Variants in CAMTA2 observed in about 807,000 individuals in gnomAD.
CAMTA2 encodes calmodulin-binding transcription activator 2.
CAMTA2 carries 56 observed loss-of-function variants against 135.7 expected under a neutral mutation model. The observed-to-expected ratio is 0.41, with a 90% CI of 0.33 to 0.52. The LOEUF is 0.52. Ranked by LOEUF, CAMTA2 falls within the 20% of genes least tolerant of loss-of-function variation. CAMTA2 has a pLI of 0.16. For synonymous variants in CAMTA2, 591 were observed against 604.6 expected (o/e 0.98, Z 0.33); for missense variants, 1,358 against 1,553.4 (o/e 0.87, Z 2.11).
At chr17:4,982,950 T>A in intron 4 of CAMTA2, 26 bp downstream of exon 4, 1 of 1,614,006 alleles carries the variant, frequency 6.2e-7, no homozygotes, top group Non-Finnish European at 8.5e-7. Context: ...CCCCTGCCAC[T>A]CCCCCATGTT....
In CAMTA2 at chr17:4,986,235, A is replaced by G. The variant is rs1973276021; in HGVS notation, c.-13T>C. 1 of 1,604,850 alleles carries G rather than the reference A, an allele frequency of 6.2e-7. No homozygotes were observed. Among genetic ancestry groups the G allele is most frequent in the Non-Finnish European group, 8.5e-7 (1 of 1,173,306 alleles). ...CCTTGGTATTCATGGTGAGGGCTCCAGGGGGCAAGGTCACCCCCGGCCTGA... is the reference window on the plus strand; with the variant it reads ...CCTTGGTATTCATGGTGAGGGCTCCGGGGGGCAAGGTCACCCCCGGCCTGA... On this transcript the variant is annotated 5_prime_UTR_variant, in exon 2 of 23. Transcript: ENST00000348066.
intron 11 of CAMTA2, among the ~76,000 whole-genome samples, chr17:4,975,069 C>T (rs1972532766): frequency 6.6e-6 from 1 of 152,126 alleles, no homozygotes; most frequent in Admixed American, 6.5e-5. Flanking sequence ...TCCATTTCTC[C>T]TCCTCCTCCT....
At chr17:4,981,152 G>A (rs1338856085) in intron 8 of CAMTA2, 73 bp downstream of exon 8, 2 of 1,536,176 alleles carry the variant, frequency 1.3e-6, no homozygotes, top group Non-Finnish European at 1.8e-6. Flanking sequence ...CATCAAGATG[G>A]ATATCCCCCT....
chr17:4,985,506 C>T (rs554569696), intron 3 of CAMTA2, among the ~76,000 whole-genome samples: 1 of 152,200 alleles, frequency 6.6e-6, no homozygotes, highest in Non-Finnish European at 1.5e-5. Flanking sequence ...TCACTGCAGC[C>T]TCCGCCTCCC....
chr17:4,987,363 G>A, intron 1 of CAMTA2: 2 of 1,361,002 alleles, frequency 1.5e-6, no homozygotes, highest in Non-Finnish European at 1.9e-6. Context: ...GGACAGTGCA[G>A]GTGCCGGGTG....
In CAMTA2 at chr17:4,972,537, CTG is replaced by C. The variant is rs1016244061; in HGVS notation, c.2504-3_2504-2del. 14 of 1,601,216 alleles carry C rather than the reference CTG, an allele frequency of 8.7e-6. No individual in the cohort carries two copies. The highest frequency in any genetic ancestry group is 9.4e-6 in the Non-Finnish European group (11 of 1,174,828). ...GAGGGCGAGGAGACGCTGCTCAGAC[CTG>C]TGTGGGGAGGGAAGAGAGTGAGGGC... On this transcript the variant is annotated splice_acceptor_variant and splice_polypyrimidine_tract_variant and intron_variant, in intron 15 of 22. Transcript: ENST00000348066. LOFTEE classifies it high-confidence loss of function.
At chr17:4,972,100 T>C in intron 16 of CAMTA2, 132 bp downstream of exon 16, 2 of 755,170 alleles carry the variant, frequency 2.6e-6, no homozygotes, top group Non-Finnish European at 2.2e-6. Flanking sequence ...AAAGGCTACC[T>C]TGCCTGTCCC....
chr17:4,986,681 G>A (rs1973341186), intron 1 of CAMTA2: 1 of 539,922 alleles, frequency 1.9e-6, no homozygotes, highest in Non-Finnish European at 3.3e-6. Flanking sequence ...GATCCTGGGG[G>A]CAGGGCAGGA....
Position 4,970,430 on chromosome 17 carries a change from C to G in CAMTA2, c.2915G>C (p.Arg972Pro), listed in dbSNP as rs138067622. 1 of 1,614,086 alleles carries G rather than the reference C, an allele frequency of 6.2e-7. No homozygotes were observed. Among genetic ancestry groups the G allele is most frequent in the African/African-American group, 1.3e-5 (1 of 74,932 alleles). The change falls in exon 17 of 23, where the codon CGG becomes CCG. Residue 972 changes from arginine to proline, a missense_variant. Arg to Pro is a moderately radical substitution (Grantham distance 103). Transcript: ENST00000348066. ...LPEAGASMRERTGAVGLSETM... is the reference protein window; with the variant it reads ...LPEAGASMREPTGAVGLSETM... ...CTCACTGAGCCCCACAGCCCCTGTC[C>G]GCTCCCGCATTGAGGCTCCAGCCTC...
At position 4,984,105 on chromosome 17, in the gene CAMTA2, C is replaced by T. The variant is rs918893826; in HGVS notation, c.136-1062G>A. On this transcript the variant is annotated intron_variant, in intron 3 of 22. Coordinates refer to ENST00000348066, the MANE Select transcript of CAMTA2 (RefSeq NM_015099.4). ...AGCTGGGACTACAGGCGCCCACGACCACGCCCGGCTAATTTTTTGTATTTT... is the reference window on the plus strand; with the variant it reads ...AGCTGGGACTACAGGCGCCCACGACTACGCCCGGCTAATTTTTTGTATTTT... 2.6e-5 allele frequency among the ~76,000 whole-genome samples: 4 copies of T among 152,220 alleles called. No homozygotes were observed. The South Asian group carries it at 6.2e-4, about 24-fold the overall frequency.
chr17:4,973,686 A>G lies in CAMTA2; in HGVS notation c.2100T>C (p.Pro700=). ...SMIPRSTWKG[P]ERLAHGSPFR... Reference sequence around the variant, plus strand: ...AGGGGCTTCCATGGGCCAGACGTTCAGGACCCTTCCAGGTGGAGCGTGGGA... The same window carrying G: ...AGGGGCTTCCATGGGCCAGACGTTCGGGACCCTTCCAGGTGGAGCGTGGGA... Residue 700 remains proline, a synonymous_variant, in exon 13 of 23, where the codon CCT becomes CCC. Transcript: ENST00000348066. The G allele has an allele frequency of 6.2e-7, 1 of 1,614,234 alleles. No homozygotes were observed. Among genetic ancestry groups the G allele is most frequent in the Non-Finnish European group, 8.5e-7 (1 of 1,180,032 alleles).
At chr17:4,986,735 T>C in intron 1 of CAMTA2, 1 of 556,924 alleles carries the variant, frequency 1.8e-6, no homozygotes, top group Non-Finnish European at 3.2e-6. Context: ...AGACACGCCC[T>C]GAGTTCCTTC....
At chr17:4,972,659 T>C (rs1972368582) in intron 15 of CAMTA2, 110 bp downstream of exon 15, 1 of 1,423,336 alleles carries the variant, frequency 7.0e-7, no homozygotes, top group East Asian at 2.3e-5. Flanking sequence ...CTCCCATCCC[T>C]GCCTCTGTGG....
Position 4,980,165 on chromosome 17 carries a change from C to T in CAMTA2, c.1157G>A (p.Arg386Lys), listed in dbSNP as rs749739034. 8.9e-6 allele frequency: 14 copies of T among 1,579,978 alleles called. No homozygotes were observed. In the South Asian group the frequency reaches 1.6e-4, roughly 18 times the overall value. Residue 386 changes from arginine (R) to lysine (K), a missense_variant, in exon 9 of 23, where the codon AGG (arginine) becomes AAG (lysine). By Grantham distance (26) the Arg-to-Lys change is conservative. Around this residue, in one of 4 missense-constraint regions of CAMTA2, gnomAD observed 1,077 missense variants for 1,127.5 expected, o/e 0.96. Transcript: ENST00000348066. The surrounding 1 kb of genome is among the most constrained non-coding windows in gnomAD (Gnocchi z 5.3). The part of the protein sequence containing the change: ...DPDRFLNSPQ[R>K]GQTYGGGQGV... ...CTGCCCCCCTCCATATGTCTGGCCCCTCTGGGGGCTGTTGAGAAAACGATC... is the reference window on the plus strand; with the variant it reads ...CTGCCCCCCTCCATATGTCTGGCCCTTCTGGGGGCTGTTGAGAAAACGATC...
In CAMTA2 at chr17:4,972,540, T is replaced by G. The variant is rs780877553; in HGVS notation, c.2504-4A>C. On this transcript the variant is annotated splice_polypyrimidine_tract_variant and splice_region_variant and intron_variant, in intron 15 of 22. Coordinates refer to ENST00000348066, the MANE Select transcript of CAMTA2 (RefSeq NM_015099.4). The stretch of plus-strand genomic sequence containing the variant: ...GGCGAGGAGACGCTGCTCAGACCTG[T>G]GTGGGGAGGGAAGAGAGTGAGGGCA... 17 of 1,600,430 alleles carry G rather than the reference T, an allele frequency of 1.1e-5. No homozygotes were observed. In the African/African-American group the frequency reaches 1.9e-4, roughly 18 times the overall value.
At position 4,970,487 on chromosome 17, in the gene CAMTA2, C is replaced by G. The variant is rs745990971; in HGVS notation, c.2858G>C (p.Arg953Pro). The G allele has an allele frequency of 1.1e-5, 17 of 1,613,976 alleles. No homozygotes were observed. Among genetic ancestry groups the G allele is most frequent in the Non-Finnish European group, 1.3e-5 (15 of 1,180,050 alleles). ...CCCCACGAAGTCCTCTCGTTTAATC[C>G]GCTCCGGTGTGGCTTCGATGATCTG... ...AKQIIEATPE[R>P]IKREDFVGLP... is the part of the protein sequence containing the mutation. Residue 953 changes from arginine (R) to proline (P), a missense_variant, in exon 17 of 23, where the codon CGG becomes CCG. By Grantham distance (103) the Arg-to-Pro change is moderately radical. Transcript: ENST00000348066.
rs778577001 is a variant in CAMTA2, at chr17:4,968,678, C to T, written c.*78G>A. ...AACAGGAAAGCTGCCGACAGGGGCT[C>T]CCCCTGCCCCAGAAAGCCCTCTCCC... On this transcript the variant is annotated 3_prime_UTR_variant, in exon 23 of 23. Coordinates refer to ENST00000348066, the MANE Select transcript of CAMTA2 (RefSeq NM_015099.4). The T allele has an allele frequency of 4.6e-6, 7 of 1,529,414 alleles. No homozygotes were observed. The South Asian group carries it at 7.8e-5, about 17-fold the overall frequency. The allele number at this position is 1,529,414 out of a possible 1,614,324, so 94.7% of individuals were successfully genotyped here. A position where few individuals can be genotyped will look rare whatever the true frequency, so the allele number is the denominator to read the frequency against.
In CAMTA2 at chr17:4,980,596, G is replaced by A. The variant is rs776435417; in HGVS notation, c.726C>T (p.Cys242=). 1 of 1,614,032 alleles carries A rather than the reference G, an allele frequency of 6.2e-7. No individual in the cohort carries two copies. The highest frequency in any genetic ancestry group is 8.5e-7 in the Non-Finnish European group (1 of 1,179,986). The part of the protein sequence containing the change: ...GLGSGSLTHK[C]SSTKHRIISP... The stretch of plus-strand genomic sequence containing the variant: ...AGATGATGCGGTGTTTCGTGCTGCT[G>A]CATTTGTGGGTAAGGCTCCCAGAAC... Residue 242 remains cysteine, a synonymous_variant, in exon 9 of 23, where the codon TGC becomes TGT. Coordinates refer to ENST00000348066, the MANE Select transcript of CAMTA2 (RefSeq NM_015099.4). This position sits in a 1 kb window ranked among gnomAD's most constrained non-coding sequence, Gnocchi z 5.3.
At position 4,968,286 on chromosome 17, in the gene CAMTA2, G is replaced by A. The variant is rs1775240252; in HGVS notation, c.*470C>T. The A allele has an allele frequency of 3.6e-6, 1 of 277,346 alleles. No homozygotes were observed. The allele number at this position is 277,346 out of a possible 1,614,324, so 17.2% of individuals were successfully genotyped here. A position where few individuals can be genotyped will look rare whatever the true frequency, so the allele number is the denominator to read the frequency against. On this transcript the variant is annotated 3_prime_UTR_variant, in exon 23 of 23. Coordinates refer to ENST00000348066, the MANE Select transcript of CAMTA2 (RefSeq NM_015099.4). Reference sequence around the variant, plus strand: ...AGAGTCGGGTGATGGGGTAAGACAGGGCCAGAGAGGGAGGAAACAGACGCA... The same window carrying A: ...AGAGTCGGGTGATGGGGTAAGACAGAGCCAGAGAGGGAGGAAACAGACGCA...
Sources: gnomAD v4.1 joint callset for allele counts (sites outside exome capture counted in the v4.1 genomes callset) on GRCh38, gnomAD v4.1.1 for gene constraint, gnomAD v4.1.1 regional missense constraint, Gnocchi (gnomAD v3.1) non-coding constraint, MANE v1.5 for transcripts, NCBI Gene and HGNC (gene_info 2026-07-23, HGNC 2026-07-21) for gene names.